NRXN1: variants seen among roughly 807,000 people sequenced by gnomAD.
NRXN1 encodes neurexin-1.
Under a neutral mutation model 150.9 loss-of-function variants are expected in NRXN1, and 39 were observed. That is an observed-to-expected ratio of 0.26 (90% CI 0.20 to 0.34). NRXN1 has a LOEUF of 0.34. NRXN1 is among the 10% of genes least tolerant of loss of function. The probability of loss-of-function intolerance (pLI) is 1.00; values close to 1 mark genes in which losing one functional copy is unlikely to be tolerated. For missense variants in NRXN1, 1,815 were observed against 1,949.9 expected (o/e 0.93, Z 1.30); for synonymous variants, 924 against 757.0 (o/e 1.22, Z -3.62).
intron 18 of NRXN1, among the ~76,000 whole-genome samples, chr2:50,198,057 T>C (rs1166719991): frequency 6.6e-6 from 1 of 152,154 alleles, no homozygotes; most frequent in Non-Finnish European, 1.5e-5. Context: ...CTACCTTCCC[T>C]ATGCCATTAT....
rs72826600 is a variant in NRXN1 at position 50,939,689 on chromosome 2, C to T, written c.773-13734G>A. On this transcript the variant is annotated intron_variant, in intron 2 of 22. Transcript: ENST00000401669. ...AAACTAGTCACCATGGTACCTAACA[C>T]GTAAATACTAAACTAAAATAAAGCT... Among the ~76,000 whole-genome samples the T allele has an allele frequency of 6.6e-3, 1,006 of 152,130 alleles. 8 individuals are homozygous for T. Among genetic ancestry groups the T allele is most frequent in the Admixed American group, 0.012 (176 of 15,278 alleles).
intron 17 of NRXN1, among the ~76,000 whole-genome samples, chr2:50,270,033 C>G (rs695073): frequency 0.66 from 100,152 of 152,044 alleles, 34,021 homozygotes; most frequent in African/African-American, 0.82. Flanking sequence ...TGCATGATAA[C>G]TATCCCCTCC....
At chr2:50,290,308 C>G (rs1206567629) in intron 17 of NRXN1, among the ~76,000 whole-genome samples, 1 of 152,120 alleles carries the variant, frequency 6.6e-6, no homozygotes, top group African/African-American at 2.4e-5. Flanking sequence ...TTTTCACCAG[C>G]TGCTAAACAA....
chr2:50,862,068 G>A (rs180903297), intron 5 of NRXN1, among the ~76,000 whole-genome samples: 1 of 151,896 alleles, frequency 6.6e-6, no homozygotes, highest in African/African-American at 2.4e-5. Flanking sequence ...CAGGAATGGT[G>A]GTGGGCGCCT....
chr2:49,949,530 T>C (rs1214031746), intron 21 of NRXN1, among the ~76,000 whole-genome samples: 1 of 151,928 alleles, frequency 6.6e-6, no homozygotes, highest in African/African-American at 2.4e-5. Context: ...CAGAAAACTA[T>C]ACTATTAAGA....
At chr2:50,705,822 G>T (rs1237756755) in intron 5 of NRXN1, among the ~76,000 whole-genome samples, 2 of 152,030 alleles carry the variant, frequency 1.3e-5, no homozygotes, top group Non-Finnish European at 1.5e-5. Flanking sequence ...TATGTTGATT[G>T]GCCTATGGCC....
intron 18 of NRXN1, among the ~76,000 whole-genome samples, chr2:50,170,849 T>A (rs1311703344): frequency 6.6e-6 from 1 of 151,162 alleles, no homozygotes; most frequent in Non-Finnish European, 1.5e-5. Context: ...ACCCATACAC[T>A]CTCAGTTGAA....
rs534744314 is a variant in NRXN1, at chr2:51,000,253, G to C, written c.772+27249C>G. Among the ~76,000 whole-genome samples, 6 of 152,118 alleles carry C rather than the reference G, an allele frequency of 3.9e-5. No homozygotes were observed. In the East Asian group the frequency reaches 9.7e-4, roughly 25 times the overall value. ...GAATGTGTTCACCCTCGCTGAAATAGTAACCGCCCTTATCCATTCTCTATG... is the reference window on the plus strand; with the variant it reads ...GAATGTGTTCACCCTCGCTGAAATACTAACCGCCCTTATCCATTCTCTATG... On this transcript the variant is annotated intron_variant, in intron 2 of 22. Transcript: ENST00000401669.
intron 5 of NRXN1, among the ~76,000 whole-genome samples, chr2:50,854,330 G>A (rs1046876138): frequency 6.6e-6 from 1 of 152,006 alleles, no homozygotes; most frequent in African/African-American, 2.4e-5. Context: ...CTTCCTGTAA[G>A]ATCTGTTCCA....
intron 5 of NRXN1, chr2:50,624,792 G>C (rs570202619): frequency 6.6e-6 from 1 of 151,936 alleles, no homozygotes; most frequent in African/African-American, 2.4e-5. Flanking sequence ...CATTTTCTAC[G>C]TATCTTATTC....
At chr2:50,194,874 GAAC>G (rs919017430) in intron 18 of NRXN1, among the ~76,000 whole-genome samples, 4 of 151,998 alleles carry the variant, frequency 2.6e-5, no homozygotes, top group Non-Finnish European at 4.4e-5. Context: ...TCAAATTAAA[GAAC>G]AACAACAGAT....
At chr2:51,008,859 T>C (rs758715443) in intron 2 of NRXN1, among the ~76,000 whole-genome samples, 2 of 151,816 alleles carry the variant, frequency 1.3e-5, no homozygotes, top group Non-Finnish European at 2.9e-5. Context: ...AATATTAAGG[T>C]TATTTGGTAG....
chr2:50,762,975 G>C (rs1191726344), intron 5 of NRXN1, among the ~76,000 whole-genome samples: 10 of 151,920 alleles, frequency 6.6e-5, no homozygotes, highest in Non-Finnish European at 1.3e-4. Context: ...GCTGATTCCT[G>C]TTGTCCCTTT....
chr2:50,865,006 C>G (rs963382974), intron 5 of NRXN1, among the ~76,000 whole-genome samples: 1 of 151,764 alleles, frequency 6.6e-6, no homozygotes, highest in African/African-American at 2.4e-5. Context: ...AGTCTGAGTC[C>G]TACTATGAGA....
chr2:50,326,728 T>G (rs532770352), intron 17 of NRXN1, among the ~76,000 whole-genome samples: 1 of 152,350 alleles, frequency 6.6e-6, no homozygotes, highest in South Asian at 2.1e-4. Context: ...TATATAGAGT[T>G]GATGCTATCC....
intron 2 of NRXN1, among the ~76,000 whole-genome samples, chr2:50,959,501 C>T (rs1692803432): frequency 6.6e-6 from 1 of 151,866 alleles, no homozygotes; most frequent in African/African-American, 2.4e-5. Flanking sequence ...TCCCAAAATG[C>T]CACATCTTAT....
intron 18 of NRXN1, among the ~76,000 whole-genome samples, chr2:50,233,411 A>G (rs955340295): frequency 2.6e-5 from 4 of 152,066 alleles, no homozygotes; most frequent in Admixed American, 6.6e-5. Flanking sequence ...TTAAAAATCC[A>G]ACATTTTTAT....
intron 2 of NRXN1, among the ~76,000 whole-genome samples, chr2:50,969,054 G>A (rs1030123737): frequency 1.3e-4 from 20 of 152,086 alleles, no homozygotes; most frequent in Admixed American, 3.9e-4. Context: ...ACAATTTAGT[G>A]CCCTTGTACT....
chr2:50,457,294 G>A (rs559803492), intron 17 of NRXN1, among the ~76,000 whole-genome samples: 1 of 152,194 alleles, frequency 6.6e-6, no homozygotes, highest in South Asian at 2.1e-4. Context: ...ACATTACACA[G>A]TGTTAAAGTG....
Sources: allele counts gnomAD v4.1 joint callset (sites outside exome capture counted in the v4.1 genomes callset), GRCh38; gene constraint gnomAD v4.1.1; transcripts MANE v1.5; gene names NCBI Gene and HGNC (gene_info 2026-07-23, HGNC 2026-07-21).